The following RIMKLB variants were observed in gnomAD, a reference collection of about 807,000 sequenced individuals.
The protein encoded by RIMKLB is beta-citrylglutamate synthase B.
Under a neutral mutation model 32.0 loss-of-function variants are expected in RIMKLB, and 7 were observed. The observed-to-expected ratio is 0.22, with a 90% CI of 0.12 to 0.41. RIMKLB has a LOEUF of 0.41. RIMKLB is among the 10% of genes least tolerant of loss of function. The pLI is 1.00. For synonymous variants in RIMKLB, 172 were observed against 185.1 expected (o/e 0.93, Z 0.57); for missense variants, 289 against 498.7 (o/e 0.58, Z 4.00).
the RIMKLB span, among the ~76,000 whole-genome samples, chr12:8,675,703 T>A: frequency 3.3e-5 from 5 of 152,348 alleles, no homozygotes; most frequent in South Asian, 1.0e-3. Flanking sequence ...TACAACTTTT[T>A]TTAGACAAGG....
chr12:8,727,804 C>T (rs1946171406), intron 2 of RIMKLB, among the ~76,000 whole-genome samples: 1 of 151,114 alleles, frequency 6.6e-6, no homozygotes, highest in Non-Finnish European at 1.5e-5. Flanking sequence ...GAGACTGAGG[C>T]AGGAGAGAAC....
chr12:8,746,228 C>T (rs1565607880), intron 2 of RIMKLB, among the ~76,000 whole-genome samples: 1 of 151,718 alleles, frequency 6.6e-6, no homozygotes, highest in Non-Finnish European at 1.5e-5. Flanking sequence ...TTTTCATCCT[C>T]AAACTGGCGC....
chr12:8,672,674 T>C, the RIMKLB span, among the ~76,000 whole-genome samples: 1 of 151,892 alleles, frequency 6.6e-6, no homozygotes, highest in Non-Finnish European at 1.5e-5. Context: ...GAAGATGCAA[T>C]TGAAGGTGAG....
chr12:8,776,935 T>TG lies in RIMKLB; in HGVS notation c.*3155dup. The TG allele has an allele frequency of 8.1e-6, 8 of 985,842 alleles. No individual in the cohort carries two copies. Among genetic ancestry groups the TG allele is most frequent in the Non-Finnish European group, 9.6e-6 (8 of 829,920 alleles). The allele number at this position is 985,842 out of a possible 1,614,324, so 61.1% of individuals were successfully genotyped here. A position where few individuals can be genotyped will look rare whatever the true frequency, so the allele number is the denominator to read the frequency against. Reference sequence around the variant, plus strand: ...TGTTTCATTCAGTGAATCCCCAGTTTGGGGCTTGTGGGGCTTAGAGACATT... The same window carrying TG: ...TGTTTCATTCAGTGAATCCCCAGTTTGGGGGCTTGTGGGGCTTAGAGACATT... On this transcript the variant is annotated 3_prime_UTR_variant, in exon 6 of 6. Transcript: ENST00000535829.
intron 5 of RIMKLB, 117 bp from the exon 6 acceptor site, chr12:8,773,204 A>G: frequency 1.4e-6 from 1 of 709,380 alleles, no homozygotes; most frequent in South Asian, 1.8e-5. Flanking sequence ...TTACACTAGA[A>G]TAACGCCTTT....
intron 2 of RIMKLB, among the ~76,000 whole-genome samples, chr12:8,716,934 A>G (rs1944912872): frequency 6.6e-6 from 1 of 150,616 alleles, no homozygotes; most frequent in Non-Finnish European, 1.5e-5. Flanking sequence ...TATCATCTTA[A>G]TATTGTTTTA....
chr12:8,697,744 C>A, upstream of RIMKLB: 1 of 226,660 alleles, frequency 4.4e-6, no homozygotes, highest in Non-Finnish European at 9.9e-6. Flanking sequence ...GGCTCGGGTG[C>A]GGGCGAGGAG....
chr12:8,773,948 A>AT lies in RIMKLB; in HGVS notation c.*164_*165insT. 7.1e-7 allele frequency: 1 copy of AT among 1,412,624 alleles called. No individual in the cohort carries two copies. The highest frequency in any genetic ancestry group is 2.5e-5 in the East Asian group (1 of 39,628). 87.5% of individuals were successfully genotyped at this position (1,412,624 alleles called of 1,614,324 possible). A position where few individuals can be genotyped will look rare whatever the true frequency, so the allele number is the denominator to read the frequency against. On this transcript the variant is annotated 3_prime_UTR_variant, in exon 6 of 6. Coordinates refer to ENST00000535829, the MANE Select transcript of RIMKLB (RefSeq NM_001297776.2). ...GGAGATAGATGAGACCTCTGCTAGT[A>AT]AGATGTTACTTTCATTTACAAATCC... is the stretch of plus-strand genomic sequence containing the variant.
chr12:8,702,056 T>A (rs1359301094), intron 1 of RIMKLB, among the ~76,000 whole-genome samples: 1 of 152,146 alleles, frequency 6.6e-6, no homozygotes, highest in African/African-American at 2.4e-5. Context: ...TGCCTGGTAT[T>A]TAATATTAAA....
At chr12:8,762,066 A>G (rs1378420870) in intron 5 of RIMKLB, among the ~76,000 whole-genome samples, 2 of 152,172 alleles carry the variant, frequency 1.3e-5, no homozygotes, top group Non-Finnish European at 2.9e-5. Context: ...GTGCAGGGGC[A>G]TATGGGTGTG....
chr12:8,744,477 A>G (rs1320316088), intron 2 of RIMKLB, among the ~76,000 whole-genome samples: 2 of 151,820 alleles, frequency 1.3e-5, no homozygotes, highest in African/African-American at 4.9e-5. Flanking sequence ...CATAATGACA[A>G]GGTAATAATG....
chr12:8,748,619 A>ATAATTTTT (rs1450065887), intron 2 of RIMKLB, among the ~76,000 whole-genome samples: 2 of 147,542 alleles, frequency 1.4e-5, no homozygotes, highest in African/African-American at 5.1e-5. Flanking sequence ...TTATATATAT[A>ATAATTTTT]TAATTTTTTT....
At chr12:8,709,817 C>G (rs1267354587) in intron 1 of RIMKLB, among the ~76,000 whole-genome samples, 3 of 152,156 alleles carry the variant, frequency 2.0e-5, no homozygotes, top group Non-Finnish European at 4.4e-5. Flanking sequence ...TTGCTAACAT[C>G]TTACTGTGCC....
At chr12:8,675,443 G>T in the RIMKLB span, among the ~76,000 whole-genome samples, 2 of 151,908 alleles carry the variant, frequency 1.3e-5, no homozygotes, top group African/African-American at 4.8e-5. Context: ...TCTTTTTACT[G>T]TACTTTCTCC....
intron 1 of RIMKLB, among the ~76,000 whole-genome samples, chr12:8,709,446 A>C (rs955053867): frequency 6.6e-6 from 1 of 152,260 alleles, no homozygotes; most frequent in African/African-American, 2.4e-5. Context: ...CTAGGAGAGA[A>C]CCATTGAGGG....
At chr12:8,744,487 G>A (rs1947890334) in intron 2 of RIMKLB, among the ~76,000 whole-genome samples, 1 of 151,698 alleles carries the variant, frequency 6.6e-6, no homozygotes. Flanking sequence ...AGGTAATAAT[G>A]GTTGAATTTT....
intron 5 of RIMKLB, among the ~76,000 whole-genome samples, chr12:8,760,717 G>A (rs11047109): frequency 0.024 from 3,625 of 152,300 alleles, 136 homozygotes; most frequent in African/African-American, 0.082. Context: ...ATTTTTTCAT[G>A]TGTATGTTGG....
At chr12:8,751,390 T>C (rs1165758959) in intron 3 of RIMKLB, among the ~76,000 whole-genome samples, 1 of 152,212 alleles carries the variant, frequency 6.6e-6, no homozygotes, top group Non-Finnish European at 1.5e-5. Context: ...AACCTTGTTA[T>C]TGTATCATTT....
chr12:8,743,277 C>G (rs1947746161), intron 2 of RIMKLB, among the ~76,000 whole-genome samples: 2 of 147,244 alleles, frequency 1.4e-5, no homozygotes, highest in African/African-American at 5.1e-5. Flanking sequence ...TTGTTTGCAC[C>G]TGGAAGGCAG....
Sources: gnomAD v4.1 joint callset for allele counts (sites outside exome capture counted in the v4.1 genomes callset) on GRCh38, gnomAD v4.1.1 for gene constraint, MANE v1.5 for transcripts, NCBI Gene and HGNC (gene_info 2026-07-23, HGNC 2026-07-21) for gene names.